The following PAPSS1 variants were observed in gnomAD, a reference collection of about 807,000 sequenced individuals.
PAPSS1 encodes the protein bifunctional 3'-phosphoadenosine 5'-phosphosulfate synthase 1.
In PAPSS1, 50 loss-of-function variants were observed where a neutral mutation model predicts 72.0. The ratio of observed to expected loss-of-function variants is 0.69; its 90% CI spans 0.55 to 0.88. The LOEUF (loss-of-function observed/expected upper bound fraction) is 0.88, where lower values mean the gene tolerates loss of function less well. Among genes scored for constraint, PAPSS1 ranks in the 40% least tolerant of loss-of-function variants. The pLI is 0.00. For missense variants in PAPSS1, 657 were observed against 782.2 expected, an observed-to-expected ratio of 0.84 and a Z score of 1.91; for synonymous variants, 261 against 263.6, an observed-to-expected ratio of 0.99 and a Z score of 0.09.
chr4:107,615,816 A>T (rs1429518003), intron 11 of PAPSS1, among the ~76,000 whole-genome samples: 1 of 152,206 alleles, frequency 6.6e-6, no homozygotes, highest in East Asian at 1.9e-4. Context: ...TGGGCCCCCT[A>T]TGATGGGATT....
intron 5 of PAPSS1, among the ~76,000 whole-genome samples, chr4:107,676,898 G>A (rs1313455528): frequency 1.3e-5 from 2 of 152,142 alleles, no homozygotes; most frequent in African/African-American, 4.8e-5. Context: ...ACACCCATCT[G>A]ATCTTTGACA....
intron 5 of PAPSS1, among the ~76,000 whole-genome samples, chr4:107,673,986 C>G (rs547220568): frequency 1.3e-5 from 2 of 152,266 alleles, no homozygotes; most frequent in Admixed American, 1.3e-4. Flanking sequence ...CCTTAACAGA[C>G]AAGCAAATGC....
chr4:107,621,868 T>G (rs1398886004), intron 11 of PAPSS1, among the ~76,000 whole-genome samples: 3 of 151,838 alleles, frequency 2.0e-5, no homozygotes, highest in African/African-American at 7.3e-5. Context: ...GACCTCGTAA[T>G]CCACCCGCCT....
intron 4 of PAPSS1, among the ~76,000 whole-genome samples, chr4:107,682,524 G>T (rs557195407): frequency 5.9e-4 from 90 of 152,188 alleles, no homozygotes; most frequent in Non-Finnish European, 1.2e-3. Flanking sequence ...CTGATGTGGA[G>T]ATTACAAATA....
chr4:107,693,714 T>G (rs1194466417), intron 3 of PAPSS1, 57 bp downstream of exon 3: 1 of 1,238,124 alleles, frequency 8.1e-7, no homozygotes, highest in African/African-American at 1.5e-5. Flanking sequence ...GTGCTTTGCC[T>G]GATACCATAT....
chr4:107,648,254 G>T (rs1000632273), intron 9 of PAPSS1, among the ~76,000 whole-genome samples: 1 of 152,192 alleles, frequency 6.6e-6, no homozygotes, highest in Middle Eastern at 3.2e-3. Flanking sequence ...TGACAAGGAA[G>T]GAAATGAAGA....
chr4:107,688,125 C>T (rs28690926), intron 3 of PAPSS1, among the ~76,000 whole-genome samples: 1,836 of 152,252 alleles, frequency 0.012, 41 homozygotes, highest in African/African-American at 0.042. Context: ...AATTCCCTCC[C>T]CTTTCATGAA....
chr4:107,690,125 C>T (rs1190123392), intron 3 of PAPSS1, among the ~76,000 whole-genome samples: 1 of 152,190 alleles, frequency 6.6e-6, no homozygotes, highest in African/African-American at 2.4e-5. Flanking sequence ...TCAATCCAGG[C>T]TTCAAGGATG....
At chr4:107,689,255 T>C (rs1344596755) in intron 3 of PAPSS1, among the ~76,000 whole-genome samples, 1 of 152,218 alleles carries the variant, frequency 6.6e-6, no homozygotes, top group Admixed American at 6.5e-5. Context: ...ATCAGCCCTA[T>C]ACCTGGCCCC....
At chr4:107,630,528 T>G (rs991028883) in intron 11 of PAPSS1, among the ~76,000 whole-genome samples, 1 of 152,246 alleles carries the variant, frequency 6.6e-6, no homozygotes, top group Non-Finnish European at 1.5e-5. Context: ...TCCCCAGCCA[T>G]GCAGAACCGT....
Position 107,614,106 on chromosome 4 carries a change from C to T in PAPSS1, c.*143G>A. The T allele has an allele frequency of 1.3e-6, 1 of 765,210 alleles. No individual in the cohort carries two copies. Among genetic ancestry groups the T allele is most frequent in the Non-Finnish European group, 2.1e-6 (1 of 485,250 alleles). The allele number at this position is 765,210 out of a possible 1,614,324, so 47.4% of individuals were successfully genotyped here. ...TTCAAAACAGAACTCATAAGGCAGA[C>T]CAAAACTGATGCAAGTTAAGGAAAA... On this transcript the variant is annotated 3_prime_UTR_variant, in exon 12 of 12. Coordinates refer to ENST00000265174, the MANE Select transcript of PAPSS1 (RefSeq NM_005443.5).
At chr4:107,696,286 C>T (rs146100426) in intron 2 of PAPSS1, among the ~76,000 whole-genome samples, 1 of 152,276 alleles carries the variant, frequency 6.6e-6, no homozygotes, top group African/African-American at 2.4e-5. Context: ...ATGTTTATTG[C>T]AGCACTATTT....
intron 5 of PAPSS1, among the ~76,000 whole-genome samples, chr4:107,671,529 T>C (rs776599773): frequency 1.4e-4 from 21 of 152,112 alleles, no homozygotes; most frequent in Non-Finnish European, 2.9e-4. Context: ...TTATATAAAA[T>C]GGTATCTATT....
chr4:107,683,421 G>T (rs1433374744), intron 4 of PAPSS1, among the ~76,000 whole-genome samples: 1 of 152,008 alleles, frequency 6.6e-6, no homozygotes, highest in African/African-American at 2.4e-5. Flanking sequence ...ATTCTCAAAT[G>T]CGGTGATATA....
At chr4:107,715,477 G>A (rs1006112153) in intron 1 of PAPSS1, among the ~76,000 whole-genome samples, 5 of 152,312 alleles carry the variant, frequency 3.3e-5, no homozygotes, top group African/African-American at 9.6e-5. Context: ...TTGGCTGTCT[G>A]TTCCACTTCT....
intron 2 of PAPSS1, among the ~76,000 whole-genome samples, chr4:107,699,261 AAG>A (rs1723148442): frequency 6.6e-6 from 1 of 152,112 alleles, no homozygotes; most frequent in African/African-American, 2.4e-5. Context: ...AGACAACACT[AAG>A]AGCCAAAAAA....
Position 107,653,415 on chromosome 4 carries a change from C to T in PAPSS1, c.1237+76G>A, listed in dbSNP as rs531643348. Reference sequence around the variant, plus strand: ...ACCTGTACTCATCGTTTTACATTTTCGTAAGCACTGGAAAAAATCGTCTAG... The same window carrying T: ...ACCTGTACTCATCGTTTTACATTTTTGTAAGCACTGGAAAAAATCGTCTAG... On this transcript the variant is annotated intron_variant, in intron 9 of 11. Transcript: ENST00000265174. The T allele has an allele frequency of 9.6e-4, 1,354 of 1,404,022 alleles. 8 individuals carry two copies. The highest frequency in any genetic ancestry group is 7.8e-3 in the South Asian group (562 of 71,830). 87.0% of individuals were successfully genotyped at this position (1,404,022 alleles called of 1,614,324 possible). A position where few individuals can be genotyped will look rare whatever the true frequency, so the allele number is the denominator to read the frequency against.
Position 107,717,544 on chromosome 4 carries a change from A to C in PAPSS1, c.60+2576T>G, listed in dbSNP as rs925508607. 2.6e-5 allele frequency among the ~76,000 whole-genome samples: 4 copies of C among 152,242 alleles called. No individual in the cohort carries two copies. In the East Asian group the frequency reaches 5.8e-4, roughly 22 times the overall value. ...ACCAACCAAAAGTTACATAGTTAAT[A>C]AATAGTGGAGTCCAGATTTCAGCCC... On this transcript the variant is annotated intron_variant, in intron 1 of 11. Coordinates refer to ENST00000265174, the MANE Select transcript of PAPSS1 (RefSeq NM_005443.5).
chr4:107,649,951 A>G (rs1299432558), intron 9 of PAPSS1, among the ~76,000 whole-genome samples: 1 of 152,220 alleles, frequency 6.6e-6, no homozygotes, highest in Admixed American at 6.5e-5. Context: ...GCCATCTGGA[A>G]ATGTATCACC....
Sources: gnomAD v4.1 joint callset for allele counts (sites outside exome capture counted in the v4.1 genomes callset) on GRCh38, gnomAD v4.1.1 for gene constraint, MANE v1.5 for transcripts, NCBI Gene and HGNC (gene_info 2026-07-23, HGNC 2026-07-21) for gene names.